The following LPAR6 variants were observed in gnomAD, a reference collection of about 807,000 sequenced individuals.
LPAR6 encodes the protein G-protein coupled purinergic receptor P2Y5.
A neutral mutation model predicts 22.0 loss-of-function variants in LPAR6; 17 were observed. The ratio of observed to expected loss-of-function variants is 0.77; its 90% CI spans 0.53 to 1.16. The LOEUF is 1.16. Ranked by LOEUF, LPAR6 falls within the 50% of genes most tolerant of loss-of-function variation. LPAR6 has a pLI of 0.00. For synonymous variants in LPAR6, 136 were observed against 139.8 expected, an observed-to-expected ratio of 0.97 and a Z score of 0.19; for missense variants, 384 against 406.9, an observed-to-expected ratio of 0.94 and a Z score of 0.48.
intron 1 of LPAR6, among the ~76,000 whole-genome samples, chr13:48,423,413 A>G (rs1264488613): frequency 6.6e-6 from 1 of 151,900 alleles, no homozygotes; most frequent in East Asian, 1.9e-4. Context: ...GTCACCTTAC[A>G]CTCTTTATGT....
chr13:48,417,839 A>G (rs576243219), upstream of LPAR6, among the ~76,000 whole-genome samples: 5 of 152,208 alleles, frequency 3.3e-5, no homozygotes, highest in Non-Finnish European at 5.9e-5. Context: ...AAAAGAATGA[A>G]AAGAAACGAA....
chr13:48,411,973 C>T lies in LPAR6; in HGVS notation c.451G>A (p.Ala151Thr), dbSNP rs776012380. The change falls in exon 1 of 1, where the codon GCC (alanine) becomes ACC (threonine). Residue 151 changes from alanine (A) to threonine (T), a missense_variant. Physicochemically the swap from Ala to Thr is moderately conservative, Grantham distance 58. Coordinates refer to ENST00000620633, the MANE Select transcript of LPAR6 (RefSeq NM_001162498.3). ...WLTVIGGSAPAVFVQSTHSQG... is the reference protein window; with the variant it reads ...WLTVIGGSAPTVFVQSTHSQG... Reference sequence around the variant, plus strand: ...GAGTGGGTAGACTGAACAAAAACGGCGGGTGCACTTCCTCCGATCACAGTT... The same window carrying T: ...GAGTGGGTAGACTGAACAAAAACGGTGGGTGCACTTCCTCCGATCACAGTT... The T allele has an allele frequency of 1.9e-5, 30 of 1,600,038 alleles. No homozygotes were observed. The highest frequency in any genetic ancestry group is 5.2e-5 in the Admixed American group (3 of 57,702).
chr13:48,394,496 C>G (rs1288699099), intron 1 of LPAR6, among the ~76,000 whole-genome samples: 1 of 152,186 alleles, frequency 6.6e-6, no homozygotes, highest in Non-Finnish European at 1.5e-5. Flanking sequence ...AAGCTAAGAT[C>G]CACTGGCTTG....
At chr13:48,390,244 C>T (rs981495864) in intron 1 of LPAR6, among the ~76,000 whole-genome samples, 6 of 152,052 alleles carry the variant, frequency 3.9e-5, no homozygotes, top group Admixed American at 6.6e-5. Flanking sequence ...TGAAGTTGAA[C>T]GTAATGAATT....
At chr13:48,440,598 T>C (rs1949227359) in intron 1 of LPAR6, among the ~76,000 whole-genome samples, 1 of 152,204 alleles carries the variant, frequency 6.6e-6, no homozygotes, top group African/African-American at 2.4e-5. Context: ...GCCTTTCTTC[T>C]ACTGTGTCAA....
chr13:48,412,011 G>A lies in LPAR6; in HGVS notation c.413C>T (p.Thr138Ile), dbSNP rs1186096693. The change falls in exon 1 of 1, where the codon ACT (threonine) becomes ATT (isoleucine). Residue 138 changes from threonine to isoleucine, a missense_variant. Physicochemically the swap from Thr to Ile is moderately conservative, Grantham distance 89. Coordinates refer to ENST00000620633, the MANE Select transcript of LPAR6 (RefSeq NM_001162498.3). ...TCCGATCACAGTTAACCACACGCCA[G>A]TGCAAACAATCTTTGCATTTCTTTT... ...RTKRNAKIVC[T>I]GVWLTVIGGS... The A allele has an allele frequency of 9.9e-6, 16 of 1,611,956 alleles. No individual in the cohort carries two copies. Among genetic ancestry groups the A allele is most frequent in the Admixed American group, 1.7e-5 (1 of 59,638 alleles).
intron 1 of LPAR6, among the ~76,000 whole-genome samples, chr13:48,440,196 C>T (rs1004447357): frequency 6.6e-6 from 1 of 151,888 alleles, no homozygotes; most frequent in African/African-American, 2.4e-5. Context: ...TGCTGCCTCC[C>T]AAATAAATTA....
At chr13:48,441,876 T>G (rs1208226475) in intron 1 of LPAR6, among the ~76,000 whole-genome samples, 1 of 152,200 alleles carries the variant, frequency 6.6e-6, no homozygotes, top group Non-Finnish European at 1.5e-5. Flanking sequence ...ATTTTGATCA[T>G]TTAATTATAG....
In LPAR6 at chr13:48,390,129, A is replaced by G. The variant is rs182774946; in HGVS notation, n.115-317T>C. ...ACCACAGCACACCAGCCTGGGTGGTAGAATGAGATCCTGCCTCAAAAACAA... is the reference window on the plus strand; with the variant it reads ...ACCACAGCACACCAGCCTGGGTGGTGGAATGAGATCCTGCCTCAAAAACAA... On this transcript the variant is annotated intron_variant and non_coding_transcript_variant, in intron 1 of 1. Coordinates refer to the LPAR6 transcript ENST00000462781. Among the ~76,000 whole-genome samples, 53 of 152,302 alleles carry G rather than the reference A, an allele frequency of 3.5e-4. 1 individual carries two copies. The East Asian group carries it at 8.7e-3, about 25-fold the overall frequency.
intron 1 of LPAR6, among the ~76,000 whole-genome samples, chr13:48,398,428 C>T (rs968234784): frequency 2.0e-5 from 3 of 152,014 alleles, no homozygotes; most frequent in African/African-American, 4.8e-5. Flanking sequence ...CCCACTATGT[C>T]TATTTTTCCA....
At chr13:48,405,031 T>C (rs198607) in intron 1 of LPAR6, among the ~76,000 whole-genome samples, 32,086 of 152,040 alleles carry the variant, frequency 0.21, 3,809 homozygotes, top group South Asian at 0.27. Context: ...TTGACTGCCC[T>C]TTTGAAATGA....
intron 1 of LPAR6, among the ~76,000 whole-genome samples, chr13:48,394,807 C>G (rs996841301): frequency 6.6e-6 from 1 of 152,228 alleles, no homozygotes; most frequent in Admixed American, 6.5e-5. Context: ...GAAGGCGCAG[C>G]TGTGGACACA....
intron 1 of LPAR6, among the ~76,000 whole-genome samples, chr13:48,405,891 A>G (rs1256209707): frequency 6.6e-6 from 1 of 152,104 alleles, no homozygotes. Flanking sequence ...GTGGCATACT[A>G]TGTGTGCTCT....
Position 48,412,085 on chromosome 13 carries a change from A to T in LPAR6, c.339T>A (p.Asp113Glu), listed in dbSNP as rs779502854. 2 of 1,613,062 alleles carry T rather than the reference A, an allele frequency of 1.2e-6. No individual in the cohort carries two copies. The highest frequency in any genetic ancestry group is 3.3e-5 in the Admixed American group (2 of 59,878). Residue 113 changes from aspartate (D) to glutamate (E), a missense_variant, in exon 1 of 1, where the codon GAT becomes GAA. By Grantham distance (45) the Asp-to-Glu change is conservative. Coordinates refer to ENST00000620633, the MANE Select transcript of LPAR6 (RefSeq NM_001162498.3). Reference protein sequence around the residue: ...SILFLTCISVDRFLAIVYPFK... With the variant: ...SILFLTCISVERFLAIVYPFK... ...ATGGGTAGACAATTGCCAGAAATCG[A>T]TCTACACTAATACAGGTTAAGAACA...
chr13:48,437,194 A>G (rs1269852085), intron 1 of LPAR6, among the ~76,000 whole-genome samples: 1 of 152,202 alleles, frequency 6.6e-6, no homozygotes, highest in Non-Finnish European at 1.5e-5. Context: ...TAAGTAGCAA[A>G]ACAGAGTGAA....
At chr13:48,397,824 T>G (rs1028640014) in intron 1 of LPAR6, among the ~76,000 whole-genome samples, 1 of 152,140 alleles carries the variant, frequency 6.6e-6, no homozygotes, top group African/African-American at 2.4e-5. Context: ...ATGTCAAAAT[T>G]GATGGGAAGC....
chr13:48,415,117 C>A (rs1052174523), upstream of LPAR6, among the ~76,000 whole-genome samples: 1 of 151,892 alleles, frequency 6.6e-6, no homozygotes, highest in Admixed American at 6.6e-5. Context: ...ATATGCTGAT[C>A]TCATCCTACT....
chr13:48,430,864 G>A (rs1336884228), upstream of LPAR6, among the ~76,000 whole-genome samples: 2 of 152,048 alleles, frequency 1.3e-5, no homozygotes, highest in African/African-American at 2.4e-5. Flanking sequence ...AGGAGTTTGG[G>A]GCTGCAGTAG....
intron 1 of LPAR6, among the ~76,000 whole-genome samples, chr13:48,403,019 G>A (rs1948707239): frequency 1.3e-5 from 2 of 151,698 alleles, no homozygotes; most frequent in South Asian, 2.1e-4. Flanking sequence ...TGATTCATAG[G>A]TTTTATGTCC....
Sources: gnomAD v4.1 joint callset for allele counts (sites outside exome capture counted in the v4.1 genomes callset) on GRCh38, gnomAD v4.1.1 for gene constraint, MANE v1.5 for transcripts, NCBI Gene and HGNC (gene_info 2026-07-23, HGNC 2026-07-21) for gene names.